The following KIF16B variants were observed in gnomAD, a reference collection of about 807,000 sequenced individuals.
KIF16B encodes the protein kinesin family member 16B, also known as kinesin-like protein KIF16B.
Under a neutral mutation model 156.3 loss-of-function variants are expected in KIF16B, and 98 were observed. The ratio of observed to expected loss-of-function variants is 0.63; its 90% CI spans 0.53 to 0.74. KIF16B has a LOEUF of 0.74. Ranked by LOEUF, KIF16B falls within the 30% of genes least tolerant of loss-of-function variation. KIF16B has a pLI of 0.00. For synonymous variants in KIF16B, 564 were observed against 583.7 expected (o/e 0.97, Z 0.49); for missense variants, 1,421 against 1,606.5 (o/e 0.88, Z 1.97).
At chr20:16,284,206 T>C (rs1371102219) in intron 25 of KIF16B, among the ~76,000 whole-genome samples, 1 of 152,210 alleles carries the variant, frequency 6.6e-6, no homozygotes, top group African/African-American at 2.4e-5. Flanking sequence ...AACACCTGCC[T>C]GGCACACTGT....
At chr20:16,558,442 T>G (rs1163407760) in intron 1 of KIF16B, among the ~76,000 whole-genome samples, 1 of 151,980 alleles carries the variant, frequency 6.6e-6, no homozygotes, top group Non-Finnish European at 1.5e-5. Context: ...TCCTCCACCC[T>G]CTCCCCTCTT....
At chr20:16,513,755 C>A (rs1395936709) in intron 4 of KIF16B, among the ~76,000 whole-genome samples, 1 of 151,284 alleles carries the variant, frequency 6.6e-6, no homozygotes, top group African/African-American at 2.4e-5. Flanking sequence ...TTTTAATACA[C>A]CATATTATTT....
intron 25 of KIF16B, among the ~76,000 whole-genome samples, chr20:16,311,594 T>C (rs2063620615): frequency 6.6e-6 from 1 of 152,238 alleles, no homozygotes; most frequent in Non-Finnish European, 1.5e-5. Context: ...TTTGCACTTC[T>C]GTCCCTTGTC....
In KIF16B at chr20:16,428,952, C is replaced by T. The variant is rs1173295214; in HGVS notation, c.1474+1G>A. 1 of 1,612,770 alleles carries T rather than the reference C, an allele frequency of 6.2e-7. No homozygotes were observed. Among genetic ancestry groups the T allele is most frequent in the Non-Finnish European group, 8.5e-7 (1 of 1,179,038 alleles). ...AACAGATCACTGATAAATATGCTCA[C>T]CAATATCTTGCTCCGTGGAAGCATC... On this transcript the variant is annotated splice_donor_variant, in intron 14 of 25. Coordinates refer to ENST00000354981, the MANE Select transcript of KIF16B (RefSeq NM_024704.5). LOFTEE classifies it high-confidence loss of function.
chr20:16,433,566 A>T (rs2066561394), intron 12 of KIF16B, among the ~76,000 whole-genome samples: 1 of 146,310 alleles, frequency 6.8e-6, no homozygotes, highest in Non-Finnish European at 1.5e-5. Flanking sequence ...GTTCCCACCC[A>T]TCCCCAGCAT....
At chr20:16,277,731 G>C (rs1439873128) in intron 25 of KIF16B, among the ~76,000 whole-genome samples, 1 of 152,080 alleles carries the variant, frequency 6.6e-6, no homozygotes, top group Admixed American at 6.5e-5. Context: ...GAAAACTGAA[G>C]GATATTAGGA....
intron 12 of KIF16B, among the ~76,000 whole-genome samples, chr20:16,453,810 C>T (rs188988787): frequency 3.3e-5 from 5 of 152,212 alleles, no homozygotes; most frequent in African/African-American, 1.2e-4. Flanking sequence ...TTTGATAACA[C>T]CGTTGAAAGG....
chr20:16,426,969 A>G, intron 15 of KIF16B, 135 bp downstream of exon 15: 1 of 667,078 alleles, frequency 1.5e-6, no homozygotes, highest in Non-Finnish European at 2.4e-6. Context: ...GAAACAGCCT[A>G]TTGAAGCAAA....
Position 16,378,981 on chromosome 20 carries a change from C to T in KIF16B, c.3021G>A (p.Arg1007=). The T allele has an allele frequency of 6.2e-7, 1 of 1,614,108 alleles. No individual in the cohort carries two copies. The highest frequency in any genetic ancestry group is 8.5e-7 in the Non-Finnish European group (1 of 1,179,968). ...GTCTCCTCTCCAGCCTGGCCAGGGCCCGCTCCAGCGCCTCTCTCTGCTGCT... is the reference window on the plus strand; with the variant it reads ...GTCTCCTCTCCAGCCTGGCCAGGGCTCGCTCCAGCGCCTCTCTCTGCTGCT... ...REKQQREALE[R]ALARLERRHS... is the part of the protein sequence containing the mutation. The change falls in exon 19 of 26, where the codon CGG becomes CGA. Residue 1007 remains arginine, a synonymous_variant. Transcript: ENST00000354981.
At chr20:16,338,579 G>C (rs971880424) in intron 23 of KIF16B, among the ~76,000 whole-genome samples, 9 of 152,098 alleles carry the variant, frequency 5.9e-5, no homozygotes, top group African/African-American at 2.2e-4. Flanking sequence ...TGAAAACCAT[G>C]AGAAATCCTC....
intron 12 of KIF16B, among the ~76,000 whole-genome samples, chr20:16,453,456 T>C (rs1349219888): frequency 1.3e-5 from 2 of 152,040 alleles, no homozygotes; most frequent in African/African-American, 4.8e-5. Context: ...CATACATCTA[T>C]AAATACAAAC....
At chr20:16,353,678 G>A (rs867675818) in intron 23 of KIF16B, among the ~76,000 whole-genome samples, 1 of 152,178 alleles carries the variant, frequency 6.6e-6, no homozygotes, top group Non-Finnish European at 1.5e-5. Context: ...GATTGTGGGG[G>A]CAGGGGGAGG....
chr20:16,488,146 C>T (rs954461288), intron 12 of KIF16B, among the ~76,000 whole-genome samples: 2 of 152,082 alleles, frequency 1.3e-5, no homozygotes, highest in East Asian at 3.9e-4. Context: ...ACGTTTTCAG[C>T]AAAAACAAAA....
intron 17 of KIF16B, chr20:16,382,144 G>GGA (rs367885730): frequency 8.3e-6 from 11 of 1,331,622 alleles, no homozygotes; most frequent in African/African-American, 3.0e-5. Context: ...CCAGGGAGGT[G>GGA]GAGAGAGAGA....
At chr20:16,444,260 C>T (rs1443391612) in intron 12 of KIF16B, among the ~76,000 whole-genome samples, 1 of 152,194 alleles carries the variant, frequency 6.6e-6, no homozygotes, top group East Asian at 1.9e-4. Context: ...GCAGTTCCAC[C>T]CCTAGGCCCT....
At chr20:16,383,917 G>A (rs1350072282) in intron 17 of KIF16B, among the ~76,000 whole-genome samples, 2 of 152,194 alleles carry the variant, frequency 1.3e-5, no homozygotes. Context: ...TCTGAGGATT[G>A]TTTCTAGAAA....
intron 12 of KIF16B, among the ~76,000 whole-genome samples, chr20:16,475,879 T>A (rs1327275235): frequency 6.6e-6 from 1 of 152,156 alleles, no homozygotes; most frequent in Non-Finnish European, 1.5e-5. Flanking sequence ...ATTAGAAAAA[T>A]TATTTAAAAG....
chr20:16,372,393 G>A (rs947854517), intron 20 of KIF16B, among the ~76,000 whole-genome samples: 2 of 152,108 alleles, frequency 1.3e-5, no homozygotes, highest in Non-Finnish European at 2.9e-5. Context: ...CCTAGGACAG[G>A]CCCAAAACAG....
At chr20:16,470,794 G>T (rs2067642471) in intron 12 of KIF16B, among the ~76,000 whole-genome samples, 1 of 151,818 alleles carries the variant, frequency 6.6e-6, no homozygotes, top group African/African-American at 2.4e-5. Flanking sequence ...AATGCACATG[G>T]CCTCAGCTCA....
Sources: gnomAD v4.1 joint callset for allele counts (sites outside exome capture counted in the v4.1 genomes callset) on GRCh38, gnomAD v4.1.1 for gene constraint, MANE v1.5 for transcripts, NCBI Gene and HGNC (gene_info 2026-07-23, HGNC 2026-07-21) for gene names.